DLG2: variants seen among roughly 807,000 people sequenced by gnomAD.
The protein encoded by DLG2 is discs large MAGUK scaffold protein 2, also known as disks large homolog 2.
Under a neutral mutation model 132.5 loss-of-function variants are expected in DLG2, and 45 were observed. The ratio of observed to expected loss-of-function variants is 0.34; its 90% confidence interval spans 0.27 to 0.44. DLG2 has a LOEUF of 0.44. DLG2 is among the 20% of genes least tolerant of loss of function. DLG2 has a pLI of 1.00. For missense variants in DLG2, 1,045 were observed against 1,196.9 expected, an observed-to-expected ratio of 0.87 and a Z score of 1.87; for synonymous variants, 424 against 419.6, an observed-to-expected ratio of 1.01 and a Z score of -0.13.
chr11:85,057,843 A>G (rs960537306), intron 6 of DLG2, among the ~76,000 whole-genome samples: 8 of 151,402 alleles, frequency 5.3e-5, no homozygotes, highest in Non-Finnish European at 1.0e-4. Flanking sequence ...GACAAAAAGG[A>G]AAAAAAATAT....
At chr11:84,188,234 A>C (rs1225155766) in intron 8 of DLG2, among the ~76,000 whole-genome samples, 4 of 152,184 alleles carry the variant, frequency 2.6e-5, no homozygotes, top group Non-Finnish European at 5.9e-5. Context: ...ATATGCAAAG[A>C]AAAGCATTTG....
intron 18 of DLG2, among the ~76,000 whole-genome samples, chr11:83,674,135 A>G (rs1294128920): frequency 1.3e-5 from 2 of 152,240 alleles, no homozygotes; most frequent in African/African-American, 4.8e-5. Context: ...TAGCTGTGCC[A>G]GGTATTAATG....
intron 6 of DLG2, among the ~76,000 whole-genome samples, chr11:85,031,806 A>G (rs2154145018): frequency 6.6e-6 from 1 of 152,176 alleles, no homozygotes; most frequent in South Asian, 2.1e-4. Context: ...TTATTTTGAG[A>G]TGGAGACTTG....
At position 85,095,134 on chromosome 11, in the gene DLG2, C is replaced by A. The variant is rs182866097; in HGVS notation, c.357+16527G>T. ...TATATGGGCACATTTTATGACACCCCAAACCAACCATAATAGTAACATTGA... is the reference window on the plus strand; with the variant it reads ...TATATGGGCACATTTTATGACACCCAAAACCAACCATAATAGTAACATTGA... On this transcript the variant is annotated intron_variant, in intron 6 of 27. Coordinates refer to ENST00000376104, the MANE Select transcript of DLG2 (RefSeq NM_001142699.3). 2.6e-5 allele frequency among the ~76,000 whole-genome samples: 4 copies of A among 152,094 alleles called. No homozygotes were observed. In the East Asian group the frequency reaches 5.8e-4, roughly 22 times the overall value.
At chr11:85,520,515 C>CCACACACACACACACACACACA (rs3068471) in intron 3 of DLG2, among the ~76,000 whole-genome samples, 3 of 148,138 alleles carry the variant, frequency 2.0e-5, no homozygotes, top group East Asian at 4.0e-4. Flanking sequence ...GTATATGGAA[C>CCACACACACACACACACACACA]CACACACACA....
chr11:84,057,268 C>T lies in DLG2; in HGVS notation c.919+2047G>A, dbSNP rs181827569. ...AGCCTTTAAGTGCTCTGGATGACCT[C>T]CAGCTGCTCAGCTAGAAGAAGGTCT... On this transcript the variant is annotated intron_variant, in intron 11 of 27. Transcript: ENST00000376104. Among the ~76,000 whole-genome samples the T allele has an allele frequency of 1.2e-4, 18 of 152,232 alleles. 1 individual carries two copies. The East Asian group carries it at 3.1e-3, about 26-fold the overall frequency.
intron 6 of DLG2, among the ~76,000 whole-genome samples, chr11:84,717,749 A>C (rs1451237978): frequency 6.6e-6 from 1 of 152,006 alleles, no homozygotes; most frequent in Non-Finnish European, 1.5e-5. Flanking sequence ...TAATAAGCCC[A>C]CCTCAGTGAA....
chr11:83,842,318 A>C (rs1456468886), intron 16 of DLG2, among the ~76,000 whole-genome samples: 1 of 152,104 alleles, frequency 6.6e-6, no homozygotes, highest in Non-Finnish European at 1.5e-5. Context: ...AATTACCGCC[A>C]GGCTTGGTGG....
rs553393014 is a variant in DLG2 at position 84,232,804 on chromosome 11, T to A, written c.573+18434A>T. ...AGTCTTCAGTATTCTGCTATACTAG[T>A]CTGAACTAAAAGAGAGTTTATAAAT... On this transcript the variant is annotated intron_variant, in intron 8 of 27. Transcript: ENST00000376104. Among the ~76,000 whole-genome samples, 22 of 152,144 alleles carry A rather than the reference T, an allele frequency of 1.4e-4. 1 individual carries two copies. Among genetic ancestry groups the A allele is most frequent in the African/African-American group, 5.3e-4 (22 of 41,436 alleles).
At chr11:84,179,629 T>C (rs548552885) in intron 8 of DLG2, among the ~76,000 whole-genome samples, 221 of 152,312 alleles carry the variant, frequency 1.5e-3, no homozygotes, top group Middle Eastern at 3.4e-3. Context: ...AATCTACTAG[T>C]GCTCTGGCAG....
chr11:83,719,560 TCAAA>T (rs763407438), intron 18 of DLG2, among the ~76,000 whole-genome samples: 1 of 152,132 alleles, frequency 6.6e-6, no homozygotes. Context: ...TGTGCAGAAG[TCAAA>T]CAGTGAGAAA....
chr11:84,525,049 A>C (rs2099316094), intron 7 of DLG2, among the ~76,000 whole-genome samples: 1 of 152,014 alleles, frequency 6.6e-6, no homozygotes, highest in Admixed American at 6.6e-5. Context: ...TAAATTTCTC[A>C]CTGCTTCATG....
chr11:84,399,209 C>G (rs765760193), intron 7 of DLG2, among the ~76,000 whole-genome samples: 19 of 152,146 alleles, frequency 1.2e-4, no homozygotes, highest in Non-Finnish European at 2.5e-4. Context: ...ATCCTCTTCA[C>G]TACCCTGCTA....
chr11:85,305,840 G>A (rs988827105), intron 3 of DLG2, among the ~76,000 whole-genome samples: 1 of 152,134 alleles, frequency 6.6e-6, no homozygotes, highest in Non-Finnish European at 1.5e-5. Flanking sequence ...ACTGTGAAAG[G>A]AAAACACAAA....
chr11:84,964,053 G>A (rs1004010592), intron 6 of DLG2, among the ~76,000 whole-genome samples: 1 of 151,976 alleles, frequency 6.6e-6, no homozygotes, highest in Non-Finnish European at 1.5e-5. Context: ...AAAGCTTTCT[G>A]GAATCACTCT....
At chr11:84,010,853 G>C (rs528724681) in intron 11 of DLG2, among the ~76,000 whole-genome samples, 1 of 151,972 alleles carries the variant, frequency 6.6e-6, no homozygotes, top group South Asian at 2.1e-4. Context: ...GTCTCGAGTC[G>C]ATCAATTAAT....
chr11:84,714,792 G>T (rs1461501123), intron 6 of DLG2, among the ~76,000 whole-genome samples: 1 of 151,526 alleles, frequency 6.6e-6, no homozygotes, highest in Non-Finnish European at 1.5e-5. Flanking sequence ...GAGATTGGAA[G>T]AAATAACACT....
chr11:84,784,221 G>A (rs1335065522), intron 6 of DLG2, among the ~76,000 whole-genome samples: 1 of 148,162 alleles, frequency 6.7e-6, no homozygotes, highest in Admixed American at 6.8e-5. Flanking sequence ...TACTCAGGAG[G>A]CTGAGGCATA....
At chr11:85,472,576 G>C (rs1238030435) in intron 3 of DLG2, among the ~76,000 whole-genome samples, 2 of 152,146 alleles carry the variant, frequency 1.3e-5, no homozygotes, top group African/African-American at 4.8e-5. Flanking sequence ...GGGATTCCAG[G>C]CGTGAGCCAC....
Sources: gnomAD v4.1 joint callset for allele counts (sites outside exome capture counted in the v4.1 genomes callset) on GRCh38, gnomAD v4.1.1 for gene constraint, MANE v1.5 for transcripts, NCBI Gene and HGNC (gene_info 2026-07-23, HGNC 2026-07-21) for gene names.